The following HLTF variants were observed in gnomAD, a reference collection of about 807,000 sequenced individuals.
The protein encoded by HLTF is helicase like transcription factor, also known as DNA-dependent ATPase/E3 ubiquitin-protein ligase HLTF.
In HLTF, 127 loss-of-function variants were observed where a neutral mutation model predicts 129.4. The ratio of observed to expected loss-of-function variants is 0.98; its 90% confidence interval spans 0.85 to 1.14. HLTF has a LOEUF of 1.14. Among genes scored for constraint, HLTF ranks in the 50% most tolerant of loss-of-function variants. HLTF has a pLI of 0.00. For synonymous variants in HLTF, 332 were observed against 388.8 expected, an observed-to-expected ratio of 0.85 and a Z score of 1.72; for missense variants, 1,139 against 1,187.1, an observed-to-expected ratio of 0.96 and a Z score of 0.60.
intron 14 of HLTF, 136 bp from the exon 15 acceptor site, chr3:149,050,511 G>C (rs1716894048): frequency 2.0e-6 from 1 of 492,846 alleles, no homozygotes; most frequent in Non-Finnish European, 3.6e-6. Flanking sequence ...GTTTCCTTCA[G>C]TCTAGACCAA....
chr3:149,051,659 G>A lies in HLTF; in HGVS notation c.1474-1284C>T, dbSNP rs141557977. 1.7e-3 allele frequency among the ~76,000 whole-genome samples: 264 copies of A among 152,252 alleles called. 4 individuals carry two copies. Among genetic ancestry groups the A allele is most frequent in the African/African-American group, 6.0e-3 (249 of 41,550 alleles). On this transcript the variant is annotated intron_variant, in intron 14 of 24. Transcript: ENST00000310053. ...GTGGATCACTTGAGGTCAGGAGTTC[G>A]AGACCAGCCTAGCCAACATGGCGAA...
intron 23 of HLTF, among the ~76,000 whole-genome samples, chr3:149,035,996 G>A (rs1371359894): frequency 2.0e-5 from 3 of 151,488 alleles, no homozygotes; most frequent in Non-Finnish European, 4.4e-5. Context: ...TTAGCCGGGC[G>A]TGGTGGCAGG....
intron 23 of HLTF, among the ~76,000 whole-genome samples, chr3:149,036,317 T>C (rs1409072346): frequency 5.4e-5 from 8 of 147,280 alleles, no homozygotes; most frequent in African/African-American, 1.8e-4. Flanking sequence ...TGAGATGGAG[T>C]CTCGCTCTGT....
Position 149,074,236 on chromosome 3 carries a change from T to C in HLTF, c.508A>G (p.Lys170Glu). 2 of 1,613,444 alleles carry C rather than the reference T, an allele frequency of 1.2e-6. No homozygotes were observed. Among genetic ancestry groups the C allele is most frequent in the East Asian group, 4.5e-5 (2 of 44,774 alleles). ...TTACTTTTTGGTGCAGGACCCAATT[T>C]AAATCCATGTTTCTTCAACTGATCT... The part of the protein sequence containing the change: ...VSDQLKKHGF[K>E]LGPAPKTLGF... The change falls in exon 4 of 25, where the codon AAA (lysine) becomes GAA (glutamate). Residue 170 changes from lysine (K) to glutamate (E), a missense_variant. Lys to Glu is a moderately conservative substitution (Grantham distance 56). Transcript: ENST00000310053.
intron 13 of HLTF, among the ~76,000 whole-genome samples, chr3:149,056,556 C>T (rs1454330807): frequency 6.6e-6 from 1 of 152,158 alleles, no homozygotes; most frequent in Non-Finnish European, 1.5e-5. Context: ...ACAGTAGTCC[C>T]TCCTTATCCA....
At chr3:149,051,235 T>TTA (rs1559863944) in intron 14 of HLTF, among the ~76,000 whole-genome samples, 2 of 140,238 alleles carry the variant, frequency 1.4e-5, no homozygotes, top group Admixed American at 7.1e-5. Context: ...TAAGGAAGTT[T>TTA]AAAAAAAAAA....
chr3:149,052,204 GT>G (rs1163848696), intron 14 of HLTF: 10 of 150,370 alleles, frequency 6.7e-5, no homozygotes, highest in African/African-American at 2.4e-4. Flanking sequence ...GAAAGCACAT[GT>G]GTCAGACTTT....
intron 8 of HLTF, among the ~76,000 whole-genome samples, chr3:149,066,862 A>T (rs1251388409): frequency 1.3e-5 from 2 of 152,178 alleles, no homozygotes; most frequent in Non-Finnish European, 2.9e-5. Flanking sequence ...CAACAGGTTT[A>T]ACTCTCAATA....
In HLTF at chr3:149,030,854, T is replaced by C. The variant is rs909729281; in HGVS notation, c.*1366A>G. The C allele has an allele frequency of 2.0e-5, 3 of 152,178 alleles. No individual in the cohort carries two copies. The highest frequency in any genetic ancestry group is 2.9e-5 in the Non-Finnish European group (2 of 68,036). 9.4% of individuals were successfully genotyped at this position (152,178 alleles called of 1,614,324 possible). A position where few individuals can be genotyped will look rare whatever the true frequency, so the allele number is the denominator to read the frequency against. On this transcript the variant is annotated 3_prime_UTR_variant, in exon 25 of 25. Coordinates refer to ENST00000310053, the MANE Select transcript of HLTF (RefSeq NM_003071.4). ...AACGGCACAGGGAGAAAAGGACTTA[T>C]CTGGTGAGAGATTTGGCATATACCT...
intron 24 of HLTF, among the ~76,000 whole-genome samples, chr3:149,033,413 A>G (rs568481525): frequency 6.6e-6 from 1 of 152,268 alleles, no homozygotes; most frequent in South Asian, 2.1e-4. Context: ...ACTAAAATCT[A>G]AAGTTCAATT....
chr3:149,084,320 A>C (rs1482039924), intron 2 of HLTF, among the ~76,000 whole-genome samples: 2 of 152,142 alleles, frequency 1.3e-5, no homozygotes, highest in African/African-American at 4.8e-5. Context: ...TGAGAAGCTT[A>C]AACATAAGAA....
In HLTF at chr3:149,086,493, G is replaced by T; in HGVS notation, c.-157C>A. The stretch of plus-strand genomic sequence containing the variant: ...ACGACTGAAAGGTAAGTCGCCGCGA[G>T]TCCAGTCAGACGTCGACGCCGTCTC... On this transcript the variant is annotated 5_prime_UTR_variant, in exon 1 of 25. Coordinates refer to ENST00000310053, the MANE Select transcript of HLTF (RefSeq NM_003071.4). 1 of 753,262 alleles carries T rather than the reference G, an allele frequency of 1.3e-6. No individual in the cohort carries two copies. Among genetic ancestry groups the T allele is most frequent in the Non-Finnish European group, 2.2e-6 (1 of 458,486 alleles). 46.7% of individuals were successfully genotyped at this position (753,262 alleles called of 1,614,324 possible).
chr3:149,075,828 C>T (rs2108056978), intron 3 of HLTF, 53 bp downstream of exon 3: 2 of 1,304,462 alleles, frequency 1.5e-6, no homozygotes, highest in East Asian at 2.4e-5. Flanking sequence ...CTAACAAGTT[C>T]AAAGATGACT....
chr3:149,074,480 C>T (rs898074882), intron 3 of HLTF, 132 bp from the exon 4 acceptor site: 4 of 767,452 alleles, frequency 5.2e-6, no homozygotes, highest in Non-Finnish European at 7.6e-6. Context: ...ACTAGTTGGG[C>T]AGACTTGAAA....
rs951428905 is a variant in HLTF, at chr3:149,031,008, A to G, written c.*1212T>C. The G allele has an allele frequency of 1.3e-5, 2 of 152,168 alleles. No individual in the cohort carries two copies. The highest frequency in any genetic ancestry group is 4.8e-5 in the African/African-American group (2 of 41,440). 9.4% of individuals were successfully genotyped at this position (152,168 alleles called of 1,614,324 possible). On this transcript the variant is annotated 3_prime_UTR_variant, in exon 25 of 25. Transcript: ENST00000310053. Reference sequence around the variant, plus strand: ...ACATGAAGCTTCTCTTGTTTGTTAGAGTAATTAATCTTTCTTTGGATTAAA... The same window carrying G: ...ACATGAAGCTTCTCTTGTTTGTTAGGGTAATTAATCTTTCTTTGGATTAAA...
intron 5 of HLTF, among the ~76,000 whole-genome samples, chr3:149,072,265 A>T (rs983386226): frequency 1.3e-5 from 2 of 152,336 alleles, no homozygotes; most frequent in Admixed American, 1.3e-4. Context: ...TGTAAGTTTC[A>T]GCAAGACTTG....
At chr3:149,062,298 AT>A (rs1718018350) in intron 10 of HLTF, among the ~76,000 whole-genome samples, 2 of 151,622 alleles carry the variant, frequency 1.3e-5, no homozygotes, top group Admixed American at 1.3e-4. Context: ...ATCTTGTCCA[AT>A]TAACAGTGTT....
At chr3:149,083,459 T>G (rs1198747802) in intron 2 of HLTF, among the ~76,000 whole-genome samples, 1 of 151,944 alleles carries the variant, frequency 6.6e-6, no homozygotes, top group Non-Finnish European at 1.5e-5. Context: ...TGTTCTAAGA[T>G]CAATAACTAC....
intron 10 of HLTF, chr3:149,063,041 A>T: frequency 2.2e-6 from 1 of 456,622 alleles, no homozygotes; most frequent in Non-Finnish European, 4.4e-6. Context: ...TATAAGGGTC[A>T]TGGTCATCTC....
Sources: allele counts gnomAD v4.1 joint callset (sites outside exome capture counted in the v4.1 genomes callset), GRCh38; gene constraint gnomAD v4.1.1; transcripts MANE v1.5; gene names NCBI Gene and HGNC (gene_info 2026-07-23, HGNC 2026-07-21).